The following DCHS2 variants were observed in gnomAD, a reference collection of about 807,000 sequenced individuals.
DCHS2 encodes protocadherin-23.
Under a neutral mutation model 182.4 loss-of-function variants are expected in DCHS2, and 142 were observed. The observed-to-expected ratio is 0.78, with a 90% CI of 0.68 to 0.89. The LOEUF (loss-of-function observed/expected upper bound fraction) is 0.89. DCHS2 is among the 40% of genes least tolerant of loss of function. The pLI is 0.00. For synonymous variants in DCHS2, 1,740 were observed against 1,663.3 expected (o/e 1.05, Z -1.12); for missense variants, 4,319 against 4,198.6 (o/e 1.03, Z -0.79).
chr4:154,301,188 A>G (rs1003955903), intron 12 of DCHS2, among the ~76,000 whole-genome samples: 3 of 152,356 alleles, frequency 2.0e-5, no homozygotes, highest in African/African-American at 4.8e-5. Context: ...TGAAAGTTCA[A>G]TGTCAAAACA....
In DCHS2 at chr4:154,315,929, A is replaced by G; in HGVS notation, c.5079T>C (p.Thr1693=). The change falls in exon 10 of 20, where the codon ACT becomes ACC. Residue 1693 remains threonine, a synonymous_variant. Transcript: ENST00000357232. Reference sequence around the variant, plus strand: ...GTGTGCCATCATCCAGTGCCAGAACAGTCAGAATATGCTGAGTTTTCATTT... The same window carrying G: ...GTGTGCCATCATCCAGTGCCAGAACGGTCAGAATATGCTGAGTTTTCATTT... The part of the protein sequence containing the change: ...DYEMKTQHIL[T]VLALDDGTPA... 1 of 1,614,076 alleles carries G rather than the reference A, an allele frequency of 6.2e-7. No individual in the cohort carries two copies. The highest frequency in any genetic ancestry group is 8.5e-7 in the Non-Finnish European group (1 of 1,179,992).
chr4:154,429,573 A>T (rs530580729), intron 1 of DCHS2, among the ~76,000 whole-genome samples: 5 of 152,208 alleles, frequency 3.3e-5, no homozygotes, highest in South Asian at 4.2e-4. Flanking sequence ...GCGGCAGCAC[A>T]TTTCTTAGAC....
chr4:154,423,445 C>A (rs754981717), intron 1 of DCHS2, among the ~76,000 whole-genome samples: 1 of 152,194 alleles, frequency 6.6e-6, no homozygotes, highest in Non-Finnish European at 1.5e-5. Context: ...GTCTCTCCTG[C>A]TAAAATGTAA....
intron 14 of DCHS2, among the ~76,000 whole-genome samples, chr4:154,262,949 A>G (rs1733057962): frequency 6.6e-6 from 1 of 152,212 alleles, no homozygotes; most frequent in South Asian, 2.1e-4. Flanking sequence ...AGTGGCATGA[A>G]GTTTAAATAC....
At chr4:154,417,262 G>T (rs772108389) in intron 1 of DCHS2, among the ~76,000 whole-genome samples, 14 of 106,558 alleles carry the variant, frequency 1.3e-4, no homozygotes, top group Non-Finnish European at 2.6e-4. Context: ...ACCAGTCAGG[G>T]GAACTGGGAG....
In DCHS2 at chr4:154,305,631, C is replaced by T. The variant is rs1001065602; in HGVS notation, c.5261-400G>A. Among the ~76,000 whole-genome samples the T allele has an allele frequency of 7.2e-5, 11 of 152,112 alleles. No individual in the cohort carries two copies. In the South Asian group the frequency reaches 1.5e-3, roughly 20 times the overall value. On this transcript the variant is annotated intron_variant, in intron 10 of 19. Coordinates refer to ENST00000357232, the MANE Select transcript of DCHS2 (RefSeq NM_001358235.2). ...TAGATTGACCTGCTGTTTAAAAGCC[C>T]GTGCTAAGTTATAGAACTCTGTTTA...
At chr4:154,347,482 C>A (rs979951699) in intron 3 of DCHS2, among the ~76,000 whole-genome samples, 1 of 151,474 alleles carries the variant, frequency 6.6e-6, no homozygotes, top group Non-Finnish European at 1.5e-5. Flanking sequence ...CAGACTAATA[C>A]CATTTACTGT....
intron 13 of DCHS2, among the ~76,000 whole-genome samples, chr4:154,271,114 TC>T (rs1405009074): frequency 6.6e-6 from 1 of 152,108 alleles, no homozygotes; most frequent in Admixed American, 6.6e-5. Flanking sequence ...AAGAAGACAA[TC>T]CTTGTAATTA....
chr4:154,398,967 C>T (rs1732045016), intron 1 of DCHS2, among the ~76,000 whole-genome samples: 1 of 152,196 alleles, frequency 6.6e-6, no homozygotes, highest in Admixed American at 6.5e-5. Flanking sequence ...CCCATCACCC[C>T]CGCCTTCTCA....
intron 1 of DCHS2, among the ~76,000 whole-genome samples, chr4:154,463,050 C>T (rs963506748): frequency 1.3e-5 from 2 of 151,826 alleles, no homozygotes; most frequent in African/African-American, 4.8e-5. Context: ...CCTCAATTTC[C>T]TCTGTATCCT....
intron 1 of DCHS2, 126 bp downstream of exon 1, chr4:154,489,178 C>G (rs1004681835): frequency 3.6e-6 from 3 of 827,698 alleles, no homozygotes. Flanking sequence ...AGAGGGGGCA[C>G]TACCGCCAGT....
chr4:154,436,005 T>C (rs1309926927), intron 1 of DCHS2, among the ~76,000 whole-genome samples: 3 of 152,212 alleles, frequency 2.0e-5, no homozygotes, highest in African/African-American at 7.2e-5. Context: ...TCACAAACTT[T>C]GTAAACCTCT....
intron 2 of DCHS2, among the ~76,000 whole-genome samples, chr4:154,370,570 G>C (rs538215369): frequency 6.6e-6 from 1 of 152,260 alleles, no homozygotes; most frequent in South Asian, 2.1e-4. Flanking sequence ...TTATAGAAAT[G>C]TTATCTGTAA....
At chr4:154,412,021 CTTAAATAATTT>C (rs1296364723) in intron 1 of DCHS2, among the ~76,000 whole-genome samples, 1 of 152,034 alleles carries the variant, frequency 6.6e-6, no homozygotes, top group East Asian at 1.9e-4. Context: ...TAATATAGGG[CTTAAATAATTT>C]TTAAAAACTG....
At position 154,333,231 on chromosome 4, in the gene DCHS2, G is replaced by A. The variant is rs199992218; in HGVS notation, c.2977C>T (p.Pro993Ser). ...GCGAGGTACAAGGCTGTGCCAGGGG[G>A]CGTGGTCTGGGATATTCTAATCTCA... The part of the protein sequence containing the change: ...SDEIRISQTT[P>S]PGTALYLARA... Residue 993 changes from proline (P) to serine (S), a missense_variant, in exon 5 of 20, where the codon CCC (proline) becomes TCC (serine). Coordinates refer to ENST00000357232, the MANE Select transcript of DCHS2 (RefSeq NM_001358235.2). The A allele has an allele frequency of 8.1e-6, 13 of 1,614,218 alleles. No individual in the cohort carries two copies. Among genetic ancestry groups the A allele is most frequent in the African/African-American group, 2.7e-5 (2 of 75,064 alleles).
intron 1 of DCHS2, among the ~76,000 whole-genome samples, chr4:154,407,656 C>G (rs1291193994): frequency 1.3e-5 from 2 of 152,206 alleles, no homozygotes; most frequent in African/African-American, 4.8e-5. Context: ...AAATCCCCCA[C>G]TATGCCAGTG....
intron 1 of DCHS2, among the ~76,000 whole-genome samples, chr4:154,416,548 A>G (rs1732839870): frequency 6.6e-6 from 1 of 152,060 alleles, no homozygotes; most frequent in Admixed American, 6.5e-5. Flanking sequence ...GATCCTCCAA[A>G]CACCTTGTCC....
At chr4:154,323,335 A>C in intron 7 of DCHS2, 1 of 196,654 alleles carries the variant, frequency 5.1e-6, no homozygotes. Context: ...TCTAGCTGCC[A>C]AAAAAAAAAA....
rs761126320 is a variant in DCHS2, at chr4:154,328,154, A to G, written c.3957T>C (p.Thr1319=). 57 of 1,609,290 alleles carry G rather than the reference A, an allele frequency of 3.5e-5. No individual in the cohort carries two copies. The highest frequency in any genetic ancestry group is 4.3e-5 in the Non-Finnish European group (51 of 1,177,904). The change falls in exon 7 of 20, where the codon ACT becomes ACC. Residue 1319 remains threonine, a synonymous_variant. Coordinates refer to ENST00000357232, the MANE Select transcript of DCHS2 (RefSeq NM_001358235.2). Reference sequence around the variant, plus strand: ...CTTCATCAGGATCCTTTGCAAACACAGTTGTAACCAACATATTTACTGGTT... The same window carrying G: ...CTTCATCAGGATCCTTTGCAAACACGGTTGTAACCAACATATTTACTGGTT... ...EGQPVNMLVT[T]VFAKDPDEGN...
Sources: gnomAD v4.1 joint callset for allele counts (sites outside exome capture counted in the v4.1 genomes callset) on GRCh38, gnomAD v4.1.1 for gene constraint, MANE v1.5 for transcripts, NCBI Gene and HGNC (gene_info 2026-07-23, HGNC 2026-07-21) for gene names.